CTNNA3: variants seen among roughly 807,000 people sequenced by gnomAD.
CTNNA3 encodes catenin alpha 3.
In CTNNA3, 76 loss-of-function variants were observed where a neutral mutation model predicts 95.7. The observed-to-expected ratio is 0.79, with a 90% confidence interval of 0.66 to 0.96. CTNNA3 has a LOEUF of 0.96. CTNNA3 is among the 40% of genes least tolerant of loss of function. The pLI, the probability that CTNNA3 is intolerant of heterozygous loss-of-function variation, is 0.00. For missense variants in CTNNA3, 1,191 were observed against 1,089.8 expected (o/e 1.09, Z -1.31); for synonymous variants, 431 against 374.4 (o/e 1.15, Z -1.74).
rs530116728 is a variant in CTNNA3, at chr10:67,049,837, T to TC, written c.1047+130479_1047+130480insG. ...GTATGTGCATGTGTTTTATATATAT[T>TC]ACAAATATAGTAATATATACACACA... On this transcript the variant is annotated intron_variant, in intron 7 of 17. Transcript: ENST00000433211. 2.3e-3 allele frequency among the ~76,000 whole-genome samples: 346 copies of TC among 152,300 alleles called. 2 individuals are homozygous for TC. Among genetic ancestry groups the TC allele is most frequent in the African/African-American group, 8.0e-3 (332 of 41,554 alleles).
chr10:67,063,451 C>G (rs1337473448), intron 7 of CTNNA3, among the ~76,000 whole-genome samples: 1 of 152,078 alleles, frequency 6.6e-6, no homozygotes, highest in Non-Finnish European at 1.5e-5. Context: ...ATGAGTACTC[C>G]AAGTTCCAAC....
chr10:66,935,507 G>A (rs1847646095), intron 7 of CTNNA3, among the ~76,000 whole-genome samples: 1 of 151,860 alleles, frequency 6.6e-6, no homozygotes, highest in Non-Finnish European at 1.5e-5. Context: ...ACCAATAGAG[G>A]GTTAGGTAAC....
intron 12 of CTNNA3, among the ~76,000 whole-genome samples, chr10:66,321,547 T>A (rs2092185665): frequency 6.6e-6 from 1 of 152,144 alleles, no homozygotes. Flanking sequence ...TATTATTTCC[T>A]TTAAATGTAT....
chr10:67,431,521 C>T (rs1846112835), intron 5 of CTNNA3, among the ~76,000 whole-genome samples: 1 of 151,928 alleles, frequency 6.6e-6, no homozygotes, highest in Non-Finnish European at 1.5e-5. Context: ...AAATAGAATT[C>T]AATCCAGGTA....
chr10:67,369,829 C>T (rs1303470590), intron 5 of CTNNA3, among the ~76,000 whole-genome samples: 3 of 152,162 alleles, frequency 2.0e-5, no homozygotes, highest in Non-Finnish European at 4.4e-5. Context: ...TAGGCTTCAG[C>T]ATGCAGGTAT....
chr10:67,348,289 A>G (rs1842507397), intron 5 of CTNNA3, among the ~76,000 whole-genome samples: 1 of 152,206 alleles, frequency 6.6e-6, no homozygotes, highest in African/African-American at 2.4e-5. Context: ...AAGCAAAAAT[A>G]AACAAATGAG....
chr10:66,459,385 C>T lies in CTNNA3; in HGVS notation c.1531+61232G>A, dbSNP rs79608697. Among the ~76,000 whole-genome samples the T allele has an allele frequency of 8.0e-3, 1,224 of 152,116 alleles. 14 individuals carry two copies. The highest frequency in any genetic ancestry group is 0.028 in the African/African-American group (1,171 of 41,494). The stretch of plus-strand genomic sequence containing the variant: ...TGCACACGGGTCAGCAATCCTAACC[C>T]CTGAATTATTCAATGATCAATCATA... On this transcript the variant is annotated intron_variant, in intron 11 of 17. Coordinates refer to ENST00000433211, the MANE Select transcript of CTNNA3 (RefSeq NM_013266.4).
At chr10:67,090,388 T>A (rs1462063125) in intron 7 of CTNNA3, among the ~76,000 whole-genome samples, 1 of 152,132 alleles carries the variant, frequency 6.6e-6, no homozygotes, top group Non-Finnish European at 1.5e-5. Flanking sequence ...ATCTTAATGT[T>A]CACACTAATG....
intron 12 of CTNNA3, among the ~76,000 whole-genome samples, chr10:66,360,670 C>CCTTCCTTCCTTCCTTCCTTTTCTTTCTTT (rs2092654101): frequency 9.7e-5 from 5 of 51,558 alleles, no homozygotes; most frequent in African/African-American, 2.6e-4. Context: ...TTCCTTCCTT[C>CCTTCCTTCCTTCCTTCCTTTTCTTTCTTT]CTTCCTTCCT....
chr10:66,029,726 C>T (rs1327722812), intron 15 of CTNNA3, among the ~76,000 whole-genome samples: 1 of 152,116 alleles, frequency 6.6e-6, no homozygotes, highest in East Asian at 1.9e-4. Flanking sequence ...TTGTAGTTTT[C>T]ACTCATTATT....
chr10:66,078,914 C>A (rs543597907), intron 14 of CTNNA3: 1 of 151,832 alleles, frequency 6.6e-6, no homozygotes, highest in Non-Finnish European at 1.5e-5. Flanking sequence ...TGCCCAGAAA[C>A]TTATACTTTG....
intron 7 of CTNNA3, among the ~76,000 whole-genome samples, chr10:67,039,597 T>C (rs1160552231): frequency 6.6e-6 from 1 of 152,112 alleles, no homozygotes; most frequent in Non-Finnish European, 1.5e-5. Flanking sequence ...CTCAGCATCA[T>C]AGAGAACTAA....
At chr10:66,625,872 T>C (rs372593448) in intron 9 of CTNNA3, among the ~76,000 whole-genome samples, 1 of 152,162 alleles carries the variant, frequency 6.6e-6, no homozygotes, top group African/African-American at 2.4e-5. Flanking sequence ...AGGCTAGTTC[T>C]GTCCCTCACT....
intron 10 of CTNNA3, among the ~76,000 whole-genome samples, chr10:66,578,794 T>TG (rs1564545443): frequency 1.3e-5 from 2 of 150,792 alleles, no homozygotes; most frequent in African/African-American, 2.4e-5. Flanking sequence ...CTTTTTTTTT[T>TG]TTTGTTTGTT....
intron 13 of CTNNA3, among the ~76,000 whole-genome samples, chr10:66,120,564 T>C (rs993348220): frequency 5.9e-5 from 9 of 152,152 alleles, no homozygotes; most frequent in Admixed American, 4.6e-4. Context: ...ACTGTGAAGT[T>C]TGCAGTAGTA....
At chr10:67,206,873 G>T (rs1185190348) in intron 6 of CTNNA3, among the ~76,000 whole-genome samples, 1 of 152,096 alleles carries the variant, frequency 6.6e-6, no homozygotes, top group Non-Finnish European at 1.5e-5. Flanking sequence ...ACTCACGCCT[G>T]TAATCCCAGC....
At position 66,927,973 on chromosome 10, in the gene CTNNA3, G is replaced by T; in HGVS notation, c.1048-152449C>A. Reference sequence around the variant, plus strand: ...AGAGCTGCAAGGAGTAAATGTGATCGATGCAGTGAAGAACTACAGCATCTG... The same window carrying T: ...AGAGCTGCAAGGAGTAAATGTGATCTATGCAGTGAAGAACTACAGCATCTG... On this transcript the variant is annotated intron_variant, in intron 7 of 17. Transcript: ENST00000433211. This position sits in a 1 kb window ranked among gnomAD's most constrained non-coding sequence, Gnocchi z 4.7. 3 of 1,614,188 alleles carry T rather than the reference G, an allele frequency of 1.9e-6. No individual in the cohort carries two copies. The highest frequency in any genetic ancestry group is 2.5e-6 in the Non-Finnish European group (3 of 1,180,034).
intron 6 of CTNNA3, among the ~76,000 whole-genome samples, chr10:67,182,446 C>T (rs1862601703): frequency 6.6e-6 from 1 of 152,018 alleles, no homozygotes; most frequent in Admixed American, 6.6e-5. Flanking sequence ...GAAAGGATTC[C>T]CTATTTAATA....
intron 11 of CTNNA3, among the ~76,000 whole-genome samples, chr10:66,416,264 A>AT (rs1175696786): frequency 8.9e-5 from 12 of 134,754 alleles, no homozygotes; most frequent in South Asian, 2.5e-4. Flanking sequence ...CCTCAGACAC[A>AT]TTTTTTAAAA....
Sources: allele counts gnomAD v4.1 joint callset (sites outside exome capture counted in the v4.1 genomes callset), GRCh38; gene constraint gnomAD v4.1.1; non-coding constraint Gnocchi (gnomAD v3.1); transcripts MANE v1.5; gene names NCBI Gene and HGNC (gene_info 2026-07-23, HGNC 2026-07-21).